The following F5 variants were observed in gnomAD, a reference collection of about 807,000 sequenced individuals.
F5 encodes coagulation factor V.
F5 carries 138 observed loss-of-function variants against 216.4 expected under a neutral mutation model. The observed-to-expected ratio is 0.64, with a 90% CI of 0.56 to 0.73. The LOEUF (loss-of-function observed/expected upper bound fraction) is 0.73. Ranked by LOEUF, F5 falls within the 30% of genes least tolerant of loss-of-function variation. The pLI is 0.00. For synonymous variants in F5, 916 were observed against 930.7 expected, an observed-to-expected ratio of 0.98 and a Z score of 0.29; for missense variants, 2,403 against 2,674.0, an observed-to-expected ratio of 0.90 and a Z score of 2.24.
intron 10 of F5, among the ~76,000 whole-genome samples, chr1:169,547,649 C>T (rs750677538): frequency 1.2e-4 from 18 of 152,032 alleles, no homozygotes; most frequent in Non-Finnish European, 1.8e-4. Context: ...GATACCATCT[C>T]GCACCAATAA....
At chr1:169,572,383 T>C in intron 2 of F5, 40 bp from the exon 3 acceptor site, 1 of 1,610,602 alleles carries the variant, frequency 6.2e-7, no homozygotes, top group Non-Finnish European at 8.5e-7. Context: ...GTATTCAGGG[T>C]CATCAAAGGC....
At position 169,514,137 on chromosome 1, in the gene F5, C is replaced by T; in HGVS notation, c.*176G>A. On this transcript the variant is annotated 3_prime_UTR_variant, in exon 25 of 25. Transcript: ENST00000367797. ...GAAGTAATAGCCATTATCTTACTTA[C>T]TGGTAGCAAGGAGTTACATTATAAA... The T allele has an allele frequency of 1.6e-6, 1 of 623,770 alleles. No homozygotes were observed. The highest frequency in any genetic ancestry group is 2.8e-6 in the Non-Finnish European group (1 of 358,644). 38.6% of individuals were successfully genotyped at this position (623,770 alleles called of 1,614,324 possible). A position where few individuals can be genotyped will look rare whatever the true frequency, so the allele number is the denominator to read the frequency against.
chr1:169,551,726 C>T (rs1423114867), intron 8 of F5, among the ~76,000 whole-genome samples: 1 of 152,184 alleles, frequency 6.6e-6, no homozygotes, highest in Admixed American at 6.5e-5. Context: ...ATTGTCAAAG[C>T]CTTTGGATCA....
chr1:169,560,775 G>A lies in F5; in HGVS notation c.374-9C>T. On this transcript the variant is annotated splice_polypyrimidine_tract_variant and intron_variant, in intron 3 of 24. Coordinates refer to ENST00000367797, the MANE Select transcript of F5 (RefSeq NM_000130.5). ...GTCAAGGTAAGAAGCACCTGGAGGAGTAACAGCCATCAAGACATGTGGGCA... is the reference window on the plus strand; with the variant it reads ...GTCAAGGTAAGAAGCACCTGGAGGAATAACAGCCATCAAGACATGTGGGCA... 6.2e-7 allele frequency: 1 copy of A among 1,611,446 alleles called. No homozygotes were observed.
intron 2 of F5, among the ~76,000 whole-genome samples, chr1:169,574,345 A>C (rs1660794819): frequency 1.3e-5 from 2 of 152,186 alleles, no homozygotes; most frequent in African/African-American, 4.8e-5. Context: ...TCTGGAGGTG[A>C]AACTTGGGAA....
chr1:169,579,825 T>A (rs1660950083), intron 2 of F5, among the ~76,000 whole-genome samples: 1 of 152,226 alleles, frequency 6.6e-6, no homozygotes, highest in African/African-American at 2.4e-5. Flanking sequence ...GGACTGGTCT[T>A]TCTCCAATCT....
chr1:169,560,493 G>A (rs1051578160), intron 4 of F5, 61 bp downstream of exon 4: 2 of 1,540,114 alleles, frequency 1.3e-6, no homozygotes, highest in Non-Finnish European at 1.8e-6. Context: ...TTTGTCCCAT[G>A]ACAGAACTCC....
rs1031352699 is a variant in F5, at chr1:169,525,974, C to T, written c.5643G>A (p.Trp1881Ter). ...TLEMKASKPGWWLLNTEVGEN... is the reference protein window; with the variant it reads ...TLEMKASKPG ...CTCCAACCTCTGTGTTTAGGAGCCA[C>T]CAGCCAGGTTTTGATGCCTTCATTT... Residue 1881 changes from tryptophan (W) to a stop codon, truncating the protein, a stop_gained, in exon 18 of 25, where the codon TGG (tryptophan) becomes TGA (stop). Coordinates refer to ENST00000367797, the MANE Select transcript of F5 (RefSeq NM_000130.5). LOFTEE classifies it high-confidence loss of function. 1 of 1,613,144 alleles carries T rather than the reference C, an allele frequency of 6.2e-7. No homozygotes were observed. Among genetic ancestry groups the T allele is most frequent in the Admixed American group, 1.7e-5 (1 of 59,980 alleles).
At position 169,560,622 on chromosome 1, in the gene F5, T is replaced by A. The variant is rs1242181096; in HGVS notation, c.518A>T (p.Tyr173Phe). The part of the protein sequence containing the change: ...DDPPCLTHIY[Y>F]SHENLIEDFN... ...ATCCTCGATCAGATTTTCATGGGAGTAATAGATGTGTGTGAGGCATGGAGG... is the reference window on the plus strand; with the variant it reads ...ATCCTCGATCAGATTTTCATGGGAGAAATAGATGTGTGTGAGGCATGGAGG... The change falls in exon 4 of 25, where the codon TAC (tyrosine) becomes TTC (phenylalanine). Residue 173 changes from tyrosine to phenylalanine, a missense_variant. Around this residue, in one of 4 missense-constraint regions of F5, gnomAD observed 1,425 missense variants for 1,554.8 expected, o/e 0.92. Transcript: ENST00000367797. 6.2e-7 allele frequency: 1 copy of A among 1,613,424 alleles called. No individual in the cohort carries two copies. The highest frequency in any genetic ancestry group is 8.5e-7 in the Non-Finnish European group (1 of 1,179,754).
rs1030834237 is a variant in F5, at chr1:169,512,178, A to G, written c.*2135T>C. Among the ~76,000 whole-genome samples the G allele has an allele frequency of 3.3e-5, 5 of 152,016 alleles. No individual in the cohort carries two copies. The highest frequency in any genetic ancestry group is 3.3e-4 in the Admixed American group (5 of 15,206). On this transcript the variant is annotated 3_prime_UTR_variant, in exon 25 of 25. Coordinates refer to ENST00000367797, the MANE Select transcript of F5 (RefSeq NM_000130.5). ...AGCAGACTAAAAGTCTAGGGATATG[A>G]TCATTTGGTTTCTGGTTTCAGTTCT...
At chr1:169,576,467 T>G (rs1660851996) in intron 2 of F5, among the ~76,000 whole-genome samples, 1 of 152,058 alleles carries the variant, frequency 6.6e-6, no homozygotes, top group South Asian at 2.1e-4. Flanking sequence ...GCCTGGGAGG[T>G]AGGAATCGGG....
chr1:169,582,312 A>T, intron 2 of F5, 119 bp downstream of exon 2: 2 of 439,672 alleles, frequency 4.5e-6, no homozygotes, highest in African/African-American at 6.7e-5. Context: ...AGTACTTCTT[A>T]AAAAAAAAAC....
At chr1:169,524,736 A>C (rs1659395440) in intron 19 of F5, 101 bp downstream of exon 19, 1 of 1,025,224 alleles carries the variant, frequency 9.8e-7, no homozygotes, top group Non-Finnish European at 1.5e-6. Context: ...GCATAAAGAG[A>C]AAAACTGATT....
intron 2 of F5, among the ~76,000 whole-genome samples, chr1:169,572,952 CTTT>C (rs373033360): frequency 0.051 from 4,568 of 89,538 alleles, 229 homozygotes; most frequent in African/African-American, 0.13. Flanking sequence ...GAGCATTTTT[CTTT>C]TTTTTTTTGA....
At position 169,527,160 on chromosome 1, in the gene F5, G is replaced by C. The variant is rs537750598; in HGVS notation, c.5599+755C>G. Among the ~76,000 whole-genome samples, 341 of 152,202 alleles carry C rather than the reference G, an allele frequency of 2.2e-3. 2 individuals carry two copies. The highest frequency in any genetic ancestry group is 8.0e-3 in the African/African-American group (331 of 41,530). ...ACTTTTAATAGAAGGCAAAATAGAA[G>C]GAAGGCTGCTTGTTAAAAATACAGA... On this transcript the variant is annotated intron_variant, in intron 17 of 24. Transcript: ENST00000367797.
At position 169,559,163 on chromosome 1, in the gene F5, C is replaced by G. The variant is rs1557925370; in HGVS notation, c.720G>C (p.Gly240=). 1 of 1,613,752 alleles carries G rather than the reference C, an allele frequency of 6.2e-7. No individual in the cohort carries two copies. The change falls in exon 5 of 25, where the codon GGG becomes GGC. Residue 240 remains glycine (G), a synonymous_variant. Transcript: ENST00000367797. ...LMYTVNGYVN[G]TMPDITVCAH... is the part of the protein sequence containing the mutation. Reference sequence around the variant, plus strand: ...CAGCCCTCGTGTTACCTGGCATTGTCCCATTCACATATCCATTGACTGTGT... The same window carrying G: ...CAGCCCTCGTGTTACCTGGCATTGTGCCATTCACATATCCATTGACTGTGT...
intron 1 of F5, among the ~76,000 whole-genome samples, chr1:169,583,121 T>C (rs1265476475): frequency 2.0e-5 from 3 of 152,226 alleles, no homozygotes; most frequent in African/African-American, 7.2e-5. Context: ...GTGAAACCAC[T>C]GCATTCATGA....
chr1:169,577,197 G>A (rs944999701), intron 2 of F5, among the ~76,000 whole-genome samples: 1 of 151,974 alleles, frequency 6.6e-6, no homozygotes, highest in Non-Finnish European at 1.5e-5. Context: ...GTGCAGTTGT[G>A]GAACTGGAAA....
At chr1:169,547,590 C>A (rs1203699500) in intron 10 of F5, among the ~76,000 whole-genome samples, 1 of 152,076 alleles carries the variant, frequency 6.6e-6, no homozygotes, top group Non-Finnish European at 1.5e-5. Flanking sequence ...ATGAAAAAAA[C>A]GCTCAACATC....
Sources: gnomAD v4.1 joint callset for allele counts (sites outside exome capture counted in the v4.1 genomes callset) on GRCh38, gnomAD v4.1.1 for gene constraint, gnomAD v4.1.1 regional missense constraint, MANE v1.5 for transcripts, NCBI Gene and HGNC (gene_info 2026-07-23, HGNC 2026-07-21) for gene names.